The following NRXN1 variants were observed in gnomAD, a reference collection of about 807,000 sequenced individuals.
The protein encoded by NRXN1 is neurexin 1, also known as neurexin-1.
A neutral mutation model predicts 150.9 loss-of-function variants in NRXN1; 39 were observed. That is an observed-to-expected ratio of 0.26 (90% CI 0.20 to 0.34). The LOEUF is 0.34. Ranked by LOEUF, NRXN1 falls within the 10% of genes least tolerant of loss-of-function variation. The probability of loss-of-function intolerance (pLI) is 1.00; values close to 1 mark genes in which losing one functional copy is unlikely to be tolerated. For synonymous variants in NRXN1, 924 were observed against 757.0 expected (o/e 1.22, Z -3.62); for missense variants, 1,815 against 1,949.9 (o/e 0.93, Z 1.30).
At chr2:50,370,764 C>T (rs979161368) in intron 17 of NRXN1, among the ~76,000 whole-genome samples, 1 of 151,952 alleles carries the variant, frequency 6.6e-6, no homozygotes, top group Non-Finnish European at 1.5e-5. Flanking sequence ...ATTCAGAAAA[C>T]TCCTTTGCTT....
At chr2:50,116,081 C>T (rs760155360) in intron 18 of NRXN1, among the ~76,000 whole-genome samples, 2 of 151,898 alleles carry the variant, frequency 1.3e-5, no homozygotes, top group Non-Finnish European at 2.9e-5. Context: ...TTGTGACTAA[C>T]AAATTTTAAT....
intron 19 of NRXN1, among the ~76,000 whole-genome samples, chr2:50,089,332 T>C (rs189387880): frequency 6.6e-6 from 1 of 152,308 alleles, no homozygotes; most frequent in South Asian, 2.1e-4. Context: ...GCTGACAACA[T>C]CCCATGAGCA....
At chr2:50,058,451 T>C (rs17039736) in intron 19 of NRXN1, among the ~76,000 whole-genome samples, 3,352 of 152,302 alleles carry the variant, frequency 0.022, 123 homozygotes, top group African/African-American at 0.076. Context: ...TTTATTCTTG[T>C]ATGGGTAATG....
chr2:50,233,475 A>G (rs2065149137), intron 18 of NRXN1, among the ~76,000 whole-genome samples: 1 of 152,102 alleles, frequency 6.6e-6, no homozygotes. Context: ...CATTAAAATT[A>G]TATGCCAATC....
intron 18 of NRXN1, among the ~76,000 whole-genome samples, chr2:50,203,554 C>A (rs544577171): frequency 1.3e-5 from 2 of 152,208 alleles, no homozygotes; most frequent in African/African-American, 4.8e-5. Context: ...GCTGTCTACT[C>A]CACACAGGTA....
intron 15 of NRXN1, among the ~76,000 whole-genome samples, chr2:50,481,817 G>C (rs1485787558): frequency 8.3e-6 from 1 of 119,954 alleles, no homozygotes; most frequent in East Asian, 2.2e-4. Flanking sequence ...CCAGGCTGGA[G>C]TGCAGTGGCG....
intron 17 of NRXN1, among the ~76,000 whole-genome samples, chr2:50,287,384 A>G (rs1372406526): frequency 6.6e-6 from 1 of 152,138 alleles, no homozygotes; most frequent in East Asian, 1.9e-4. Context: ...GTAACCACAA[A>G]TGGATAGGAG....
chr2:50,979,343 C>G (rs1696410921), intron 2 of NRXN1: 2 of 487,164 alleles, frequency 4.1e-6, no homozygotes, highest in Non-Finnish European at 4.0e-6. Context: ...ATTCTCAGCA[C>G]AGTATCCTCC....
At chr2:50,124,756 A>G (rs1447320186) in intron 18 of NRXN1, among the ~76,000 whole-genome samples, 1 of 152,130 alleles carries the variant, frequency 6.6e-6, no homozygotes, top group Non-Finnish European at 1.5e-5. Flanking sequence ...TTATTTAAAA[A>G]TAATTTCATC....
chr2:50,642,234 G>T (rs565027439), intron 5 of NRXN1, among the ~76,000 whole-genome samples: 1 of 152,060 alleles, frequency 6.6e-6, no homozygotes, highest in East Asian at 1.9e-4. Context: ...ATTAGACAGG[G>T]ATCCAGTTTA....
chr2:50,779,245 A>G (rs1704035475), intron 5 of NRXN1, among the ~76,000 whole-genome samples: 1 of 109,906 alleles, frequency 9.1e-6, no homozygotes, highest in South Asian at 3.2e-4. Context: ...TCACTGTGCA[A>G]CTCCCACTTA....
At chr2:50,212,182 C>A (rs1156768703) in intron 18 of NRXN1, among the ~76,000 whole-genome samples, 2 of 150,788 alleles carry the variant, frequency 1.3e-5, no homozygotes, top group African/African-American at 2.4e-5. Context: ...TGTGAGTCAT[C>A]TTTTTTCAGT....
chr2:50,477,885 G>A (rs1276783815), intron 15 of NRXN1, among the ~76,000 whole-genome samples: 1 of 152,142 alleles, frequency 6.6e-6, no homozygotes, highest in Non-Finnish European at 1.5e-5. Context: ...ATTGGACCTT[G>A]GAGAGAAAAT....
intron 17 of NRXN1, among the ~76,000 whole-genome samples, chr2:50,317,478 T>C (rs942006713): frequency 2.0e-5 from 3 of 151,586 alleles, no homozygotes; most frequent in Non-Finnish European, 4.4e-5. Context: ...CTCCAAAATA[T>C]AAGAGACAAC....
At chr2:50,023,962 A>G (rs9677968) in intron 21 of NRXN1, 86,208 of 151,962 alleles carry the variant, frequency 0.57, 24,620 homozygotes, top group East Asian at 0.63. Context: ...TACAATTTTC[A>G]TAGCACCCCA....
At chr2:50,887,727 G>A (rs1298603376) in intron 5 of NRXN1, among the ~76,000 whole-genome samples, 2 of 151,156 alleles carry the variant, frequency 1.3e-5, no homozygotes, top group Non-Finnish European at 3.0e-5. Flanking sequence ...TTTCTATCGT[G>A]TTTCATTCAT....
chr2:49,984,443 A>C (rs1007886619), intron 21 of NRXN1, among the ~76,000 whole-genome samples: 1 of 152,182 alleles, frequency 6.6e-6, no homozygotes, highest in Non-Finnish European at 1.5e-5. Flanking sequence ...CTTCTCTAGC[A>C]ATAAAAACTT....
chr2:50,194,442 C>T (rs77407791), intron 18 of NRXN1, among the ~76,000 whole-genome samples: 8,760 of 152,130 alleles, frequency 0.058, 301 homozygotes, highest in Middle Eastern at 0.11. Context: ...TATTTTTATG[C>T]CAACGTGGAC....
intron 21 of NRXN1, among the ~76,000 whole-genome samples, chr2:50,029,970 A>G (rs538466505): frequency 2.0e-4 from 30 of 152,268 alleles, no homozygotes; most frequent in African/African-American, 7.0e-4. Context: ...AATAAAATAA[A>G]ATACCCAGCT....
Sources: gnomAD v4.1 joint callset for allele counts (sites outside exome capture counted in the v4.1 genomes callset) on GRCh38, gnomAD v4.1.1 for gene constraint, MANE v1.5 for transcripts, NCBI Gene and HGNC (gene_info 2026-07-23, HGNC 2026-07-21) for gene names.